Variants in KCTD9 observed in about 807,000 individuals in gnomAD.
KCTD9 encodes the protein potassium channel tetramerization domain containing 9.
KCTD9 carries 17 observed loss-of-function variants against 53.3 expected under a neutral mutation model. That is an observed-to-expected ratio of 0.32 (90% confidence interval 0.22 to 0.48). KCTD9 has a LOEUF of 0.48. Ranked by LOEUF, KCTD9 falls within the 20% of genes least tolerant of loss-of-function variation. KCTD9 has a pLI of 0.99. For missense variants in KCTD9, 179 were observed against 465.5 expected, an observed-to-expected ratio of 0.38 and a Z score of 5.66; for synonymous variants, 128 against 162.7, an observed-to-expected ratio of 0.79 and a Z score of 1.62.
At chr8:25,452,052 T>C (rs926816559) in intron 1 of KCTD9, among the ~76,000 whole-genome samples, 6 of 152,202 alleles carry the variant, frequency 3.9e-5, no homozygotes, top group Non-Finnish European at 8.8e-5. Flanking sequence ...TTATGTAATA[T>C]ACAATACACA....
At chr8:25,449,615 AGC>A (rs1802281097) in intron 1 of KCTD9, among the ~76,000 whole-genome samples, 1 of 152,204 alleles carries the variant, frequency 6.6e-6, no homozygotes, top group African/African-American at 2.4e-5. Context: ...CATGTTTTAA[AGC>A]TGTGCTGTCC....
At chr8:25,456,534 T>A (rs1018346023) in intron 1 of KCTD9, among the ~76,000 whole-genome samples, 2 of 152,202 alleles carry the variant, frequency 1.3e-5, no homozygotes, top group Non-Finnish European at 2.9e-5. Flanking sequence ...CTTCTTTTTA[T>A]CTAGTACTCT....
At chr8:25,432,093 A>G (rs964815034) in intron 11 of KCTD9, among the ~76,000 whole-genome samples, 2 of 152,204 alleles carry the variant, frequency 1.3e-5, no homozygotes, top group African/African-American at 4.8e-5. Flanking sequence ...TTAAGAAGAC[A>G]TACAAATATA....
intron 3 of KCTD9, 46 bp downstream of exon 3, chr8:25,444,246 T>TC (rs779911273): frequency 7.7e-7 from 1 of 1,302,068 alleles, no homozygotes; most frequent in Admixed American, 2.6e-5. Context: ...ATTCCATCTT[T>TC]TTTTTTTTTT....
At chr8:25,431,545 G>C (rs1019432655) in intron 11 of KCTD9, among the ~76,000 whole-genome samples, 1 of 152,200 alleles carries the variant, frequency 6.6e-6, no homozygotes, top group African/African-American at 2.4e-5. Context: ...TAGTCAACCT[G>C]ATCAGTCTTT....
At chr8:25,443,813 T>A (rs1802165781) in intron 3 of KCTD9, among the ~76,000 whole-genome samples, 1 of 152,208 alleles carries the variant, frequency 6.6e-6, no homozygotes, top group Non-Finnish European at 1.5e-5. Flanking sequence ...CTATAAGCTT[T>A]CTTCCAAATC....
At chr8:25,431,964 G>GGT in intron 11 of KCTD9, among the ~76,000 whole-genome samples, 1 of 152,230 alleles carries the variant, frequency 6.6e-6, no homozygotes, top group East Asian at 1.9e-4. Context: ...ATATATGGGT[G>GGT]GTAGCTACTA....
chr8:25,437,709 A>C (rs1018448606), intron 6 of KCTD9, among the ~76,000 whole-genome samples: 1 of 151,390 alleles, frequency 6.6e-6, no homozygotes, highest in African/African-American at 2.4e-5. Context: ...TTAGCTGGGC[A>C]TCATGGTGTG....
chr8:25,456,230 C>T (rs994368774), intron 1 of KCTD9, among the ~76,000 whole-genome samples: 20 of 152,106 alleles, frequency 1.3e-4, no homozygotes, highest in African/African-American at 4.6e-4. Context: ...AAAGCAGAAG[C>T]GAGGTAAGGG....
intron 1 of KCTD9, chr8:25,450,414 G>C (rs1802296924): frequency 2.0e-6 from 2 of 984,278 alleles, no homozygotes; most frequent in Non-Finnish European, 2.4e-6. Flanking sequence ...AATATTTCTT[G>C]AATGTTGAGT....
chr8:25,454,910 G>A (rs914813183), intron 1 of KCTD9, among the ~76,000 whole-genome samples: 7 of 152,254 alleles, frequency 4.6e-5, no homozygotes, highest in Non-Finnish European at 8.8e-5. Context: ...GTGAAATTCT[G>A]CCAAATACAG....
intron 8 of KCTD9, 54 bp from the exon 9 acceptor site, chr8:25,435,566 A>C: frequency 6.6e-7 from 1 of 1,509,278 alleles, no homozygotes; most frequent in Non-Finnish European, 8.9e-7. Context: ...GTTTGTATTA[A>C]ATTTAATTAC....
chr8:25,432,638 C>T lies in KCTD9; in HGVS notation c.920-1G>A. 6.2e-7 allele frequency: 1 copy of T among 1,609,144 alleles called. No homozygotes were observed. The highest frequency in any genetic ancestry group is 8.5e-7 in the Non-Finnish European group (1 of 1,177,916). Reference sequence around the variant, plus strand: ...ATATCCACACCTTTCAGATTAGCACCTACAGTGAACACATTCTGGGAGTAG... The same window carrying T: ...ATATCCACACCTTTCAGATTAGCACTTACAGTGAACACATTCTGGGAGTAG... On this transcript the variant is annotated splice_acceptor_variant, in intron 10 of 11. Coordinates refer to ENST00000221200, the MANE Select transcript of KCTD9 (RefSeq NM_017634.4). LOFTEE classifies it high-confidence loss of function.
chr8:25,443,717 C>T (rs1329851209), intron 3 of KCTD9, among the ~76,000 whole-genome samples: 1 of 152,144 alleles, frequency 6.6e-6, no homozygotes, highest in Non-Finnish European at 1.5e-5. Flanking sequence ...TTAAAAAATA[C>T]TTAAATATTC....
chr8:25,456,579 T>C lies in KCTD9; in HGVS notation c.48+1620A>G, dbSNP rs148620296. Among the ~76,000 whole-genome samples, 189 of 152,278 alleles carry C rather than the reference T, an allele frequency of 1.2e-3. 4 individuals carry two copies. Among genetic ancestry groups the C allele is most frequent in the Admixed American group, 0.012 (180 of 15,288 alleles). ...ATTTTTACGTTGTAACATAAACATA[T>C]TTATATTTAATTATTTGAGATGCAT... On this transcript the variant is annotated intron_variant, in intron 1 of 11. Coordinates refer to ENST00000221200, the MANE Select transcript of KCTD9 (RefSeq NM_017634.4).
At position 25,432,525 on chromosome 8, in the gene KCTD9, A is replaced by G; in HGVS notation, c.1032T>C (p.Thr344=). 6.2e-7 allele frequency: 1 copy of G among 1,612,468 alleles called. No individual in the cohort carries two copies. The highest frequency in any genetic ancestry group is 8.5e-7 in the Non-Finnish European group (1 of 1,179,740). ...TCACCTCTAAATCAGTTCCTGCCAG[A>G]GTTGCTCCTCTGAGGTTACAGTTCT... is the stretch of plus-strand genomic sequence containing the variant. ...KLKNCNLRGA[T]LAGTDLENCD... The change falls in exon 11 of 12, where the codon ACT becomes ACC. Residue 344 remains threonine (T), a synonymous_variant. Coordinates refer to ENST00000221200, the MANE Select transcript of KCTD9 (RefSeq NM_017634.4).
chr8:25,441,680 T>TA (rs1339324083), intron 3 of KCTD9, among the ~76,000 whole-genome samples: 1 of 151,418 alleles, frequency 6.6e-6, no homozygotes, highest in Non-Finnish European at 1.5e-5. Flanking sequence ...AAAGAAAAGG[T>TA]AAAAAAGAGA....
chr8:25,448,319 A>C lies in KCTD9; in HGVS notation c.49-2069T>G, dbSNP rs563886717. On this transcript the variant is annotated intron_variant, in intron 1 of 11. Coordinates refer to ENST00000221200, the MANE Select transcript of KCTD9 (RefSeq NM_017634.4). The stretch of plus-strand genomic sequence containing the variant: ...AATATTCTATGATACCACTCACATG[A>C]AAGTACCCAACACAGGCAAATTCAT... Among the ~76,000 whole-genome samples the C allele has an allele frequency of 1.2e-4, 19 of 152,258 alleles. No homozygotes were observed. The South Asian group carries it at 3.9e-3, about 32-fold the overall frequency.
At chr8:25,443,829 G>A (rs924262650) in intron 3 of KCTD9, among the ~76,000 whole-genome samples, 3 of 152,090 alleles carry the variant, frequency 2.0e-5, no homozygotes, top group African/African-American at 4.8e-5. Flanking sequence ...AAATCAAAGG[G>A]TAGTGTGTGT....
Sources: gnomAD v4.1 joint callset for allele counts (sites outside exome capture counted in the v4.1 genomes callset) on GRCh38, gnomAD v4.1.1 for gene constraint, MANE v1.5 for transcripts, NCBI Gene and HGNC (gene_info 2026-07-23, HGNC 2026-07-21) for gene names.